Variants in FRAS1 observed in about 807,000 individuals in gnomAD.
FRAS1 encodes the protein Fraser extracellular matrix complex subunit 1.
In FRAS1, 290 loss-of-function variants were observed where a neutral mutation model predicts 435.2. That is an observed-to-expected ratio of 0.67 (90% confidence interval 0.61 to 0.73). The LOEUF (loss-of-function observed/expected upper bound fraction) is 0.73. Among genes scored for constraint, FRAS1 ranks in the 30% least tolerant of loss-of-function variants. FRAS1 has a pLI of 0.00. For missense variants in FRAS1, 4,860 were observed against 5,001.5 expected, an observed-to-expected ratio of 0.97 and a Z score of 0.85; for synonymous variants, 1,800 against 1,851.0, an observed-to-expected ratio of 0.97 and a Z score of 0.71.
At chr4:78,321,440 A>G (rs1430997189) in intron 18 of FRAS1, among the ~76,000 whole-genome samples, 2 of 152,220 alleles carry the variant, frequency 1.3e-5, no homozygotes, top group African/African-American at 4.8e-5. Flanking sequence ...TCCATACAGG[A>G]GAGAAGCACA....
chr4:78,442,200 A>G lies in FRAS1; in HGVS notation c.5665+903A>G, dbSNP rs543574489. On this transcript the variant is annotated intron_variant, in intron 41 of 73. Transcript: ENST00000512123. Reference sequence around the variant, plus strand: ...GATCCTTTTCCCATCTTTCCTTTCAATGTGTGCCTTAGATCTGTTTATTGC... The same window carrying G: ...GATCCTTTTCCCATCTTTCCTTTCAGTGTGTGCCTTAGATCTGTTTATTGC... Among the ~76,000 whole-genome samples, 15 of 152,360 alleles carry G rather than the reference A, an allele frequency of 9.8e-5. No individual in the cohort carries two copies. The South Asian group carries it at 2.9e-3, about 29-fold the overall frequency.
chr4:78,448,590 C>T (rs1425821181), intron 44 of FRAS1, among the ~76,000 whole-genome samples: 1 of 152,126 alleles, frequency 6.6e-6, no homozygotes, highest in Admixed American at 6.5e-5. Context: ...CCAGGGCCCT[C>T]AAAAATCTTA....
chr4:78,511,525 TC>T lies in FRAS1; in HGVS notation c.10013+21del, dbSNP rs1560419877. On this transcript the variant is annotated intron_variant, in intron 64 of 73. Transcript: ENST00000512123. ...CGAACAGGTCAGGCAGGTGGTGCCT[TC>T]CACCACACATAGATTGAAGTGAATC... 10 of 1,535,858 alleles carry T rather than the reference TC, an allele frequency of 6.5e-6. No homozygotes were observed. Among genetic ancestry groups the T allele is most frequent in the Non-Finnish European group, 9.0e-6 (10 of 1,111,880 alleles).
At chr4:78,381,654 C>T (rs1230023633) in intron 27 of FRAS1, among the ~76,000 whole-genome samples, 1 of 152,200 alleles carries the variant, frequency 6.6e-6, no homozygotes, top group Non-Finnish European at 1.5e-5. Flanking sequence ...GTATAGTAGT[C>T]ACTTTTCTTG....
At chr4:78,276,504 C>T (rs747924273) in intron 9 of FRAS1, among the ~76,000 whole-genome samples, 1 of 152,112 alleles carries the variant, frequency 6.6e-6, no homozygotes, top group Non-Finnish European at 1.5e-5. Flanking sequence ...GTGTGGATGT[C>T]CTTTGCGTTT....
intron 2 of FRAS1, among the ~76,000 whole-genome samples, chr4:78,133,974 TTTTGAGATGGACTC>T (rs1719810366): frequency 6.8e-6 from 1 of 147,994 alleles, no homozygotes; most frequent in Non-Finnish European, 1.5e-5. Flanking sequence ...TTGTTTTTTT[TTTTGAGATGGACTC>T]TCGCACTGTC....
intron 47 of FRAS1, among the ~76,000 whole-genome samples, chr4:78,455,420 A>AAG (rs1553962049): frequency 6.7e-6 from 1 of 149,114 alleles, no homozygotes; most frequent in Non-Finnish European, 1.5e-5. Flanking sequence ...GGAGTTGAGG[A>AAG]GGGAGGGGGT....
intron 2 of FRAS1, among the ~76,000 whole-genome samples, chr4:78,105,415 A>C (rs567226743): frequency 1.5e-3 from 235 of 152,242 alleles, no homozygotes; most frequent in African/African-American, 5.4e-3. Context: ...TTTCTCTCTC[A>C]ATATAACTAA....
chr4:78,341,211 T>A (rs911349847), intron 20 of FRAS1, among the ~76,000 whole-genome samples: 2 of 152,090 alleles, frequency 1.3e-5, no homozygotes, highest in African/African-American at 2.4e-5. Context: ...ATTTGGAGCT[T>A]TGGAGGCAGA....
At chr4:78,306,971 C>T (rs1030748076) in intron 14 of FRAS1, among the ~76,000 whole-genome samples, 6 of 152,332 alleles carry the variant, frequency 3.9e-5, no homozygotes, top group African/African-American at 1.4e-4. Context: ...TTTTTCTGCT[C>T]TGTTTTTTCC....
chr4:78,433,341 A>C (rs186126998), intron 38 of FRAS1, among the ~76,000 whole-genome samples: 208 of 152,374 alleles, frequency 1.4e-3, no homozygotes, highest in Middle Eastern at 6.8e-3. Flanking sequence ...TGTAAACATA[A>C]TAATGACTAG....
intron 17 of FRAS1, 82 bp from the exon 18 acceptor site, chr4:78,318,728 C>T: frequency 7.3e-7 from 1 of 1,367,410 alleles, no homozygotes; most frequent in Non-Finnish European, 9.9e-7. Context: ...GTGAACTTTT[C>T]TAAGTGGGTT....
At chr4:78,312,568 A>G (rs1287538782) in intron 15 of FRAS1, among the ~76,000 whole-genome samples, 3 of 152,038 alleles carry the variant, frequency 2.0e-5, no homozygotes, top group Non-Finnish European at 4.4e-5. Context: ...GCTCACACCT[A>G]TAATCCCAGC....
intron 26 of FRAS1, among the ~76,000 whole-genome samples, chr4:78,377,588 A>C (rs1347489131): frequency 6.6e-6 from 1 of 152,238 alleles, no homozygotes; most frequent in Non-Finnish European, 1.5e-5. Flanking sequence ...CATGTGGACA[A>C]AGATTATAAA....
intron 2 of FRAS1, among the ~76,000 whole-genome samples, chr4:78,205,347 A>G (rs972455269): frequency 6.6e-6 from 1 of 152,070 alleles, no homozygotes; most frequent in Admixed American, 6.6e-5. Context: ...GACCACAGGC[A>G]TGTGCCACTA....
intron 2 of FRAS1, among the ~76,000 whole-genome samples, chr4:78,163,217 T>C (rs1190406327): frequency 6.6e-6 from 1 of 152,212 alleles, no homozygotes; most frequent in Non-Finnish European, 1.5e-5. Flanking sequence ...TATTCCACAT[T>C]TTCACATTCC....
At chr4:78,364,163 AT>A in intron 22 of FRAS1, 109 bp downstream of exon 22, 2 of 1,262,944 alleles carry the variant, frequency 1.6e-6, no homozygotes, top group Non-Finnish European at 2.1e-6. Flanking sequence ...GGTAGCCTTT[AT>A]TTTTATAAAA....
At chr4:78,155,513 T>C (rs1391733080) in intron 2 of FRAS1, among the ~76,000 whole-genome samples, 1 of 152,230 alleles carries the variant, frequency 6.6e-6, no homozygotes, top group African/African-American at 2.4e-5. Context: ...AGTTATTTTT[T>C]AGAACTATTA....
At chr4:78,332,824 AT>A (rs1730000283) in intron 18 of FRAS1, among the ~76,000 whole-genome samples, 1 of 152,188 alleles carries the variant, frequency 6.6e-6, no homozygotes, top group Non-Finnish European at 1.5e-5. Context: ...AGTCTCCATC[AT>A]AGCGTAGGCA....
Sources: allele counts gnomAD v4.1 joint callset (sites outside exome capture counted in the v4.1 genomes callset), GRCh38; gene constraint gnomAD v4.1.1; transcripts MANE v1.5; gene names NCBI Gene and HGNC (gene_info 2026-07-23, HGNC 2026-07-21).